Variants in STAG1 observed in about 807,000 individuals in gnomAD.
STAG1 encodes STAG1 cohesin complex component.
Under a neutral mutation model 170.9 loss-of-function variants are expected in STAG1, and 26 were observed. The ratio of observed to expected loss-of-function variants is 0.15; its 90% CI spans 0.11 to 0.21. The LOEUF (loss-of-function observed/expected upper bound fraction) is 0.21, where lower values mean the gene tolerates loss of function less well. Among genes scored for constraint, STAG1 ranks in the 10% least tolerant of loss-of-function variants. The pLI, the probability that STAG1 is intolerant of heterozygous loss-of-function variation, is 1.00. For synonymous variants in STAG1, 514 were observed against 497.7 expected (o/e 1.03, Z -0.44); for missense variants, 964 against 1,509.5 (o/e 0.64, Z 5.99).
chr3:136,545,130 C>A lies in STAG1; in HGVS notation c.395-2935G>T, dbSNP rs375735098. Among the ~76,000 whole-genome samples, 28 of 152,148 alleles carry A rather than the reference C, an allele frequency of 1.8e-4. 1 individual carries two copies. The South Asian group carries it at 5.8e-3, about 32-fold the overall frequency. On this transcript the variant is annotated intron_variant, in intron 5 of 33. Coordinates refer to ENST00000383202, the MANE Select transcript of STAG1 (RefSeq NM_005862.3). ...ATGGCGCGATCTCAGCTCACTGCAA[C>A]CTCCGCCTCCCGGGTTCAAGTGATT...
intron 5 of STAG1, among the ~76,000 whole-genome samples, chr3:136,550,873 T>C (rs2107737543): frequency 6.6e-6 from 1 of 152,344 alleles, no homozygotes; most frequent in South Asian, 2.1e-4. Flanking sequence ...GATGCTTTTC[T>C]CACGGTTAGA....
chr3:136,749,694 C>T (rs1382776995), intron 1 of STAG1, among the ~76,000 whole-genome samples: 2 of 148,122 alleles, frequency 1.4e-5, no homozygotes, highest in African/African-American at 5.0e-5. Flanking sequence ...TGCAGTGAGC[C>T]GAGATCACAC....
In STAG1 at chr3:136,538,853, T is replaced by C. The variant is rs560574604; in HGVS notation, c.471+3266A>G. ...GATTATAGTTTAAAAAATGTTTTAG[T>C]GGCTGGGAGCGGTGCTCACGCCTGT... On this transcript the variant is annotated intron_variant, in intron 6 of 33. Coordinates refer to ENST00000383202, the MANE Select transcript of STAG1 (RefSeq NM_005862.3). Among the ~76,000 whole-genome samples the C allele has an allele frequency of 7.2e-5, 11 of 151,858 alleles. No individual in the cohort carries two copies. The South Asian group carries it at 2.3e-3, about 32-fold the overall frequency.
At chr3:136,493,578 C>T (rs2090160279) in intron 9 of STAG1, among the ~76,000 whole-genome samples, 1 of 150,890 alleles carries the variant, frequency 6.6e-6, no homozygotes, top group Admixed American at 6.6e-5. Context: ...CTGCTTGAGC[C>T]CGTGAAGTCA....
At chr3:136,705,813 G>C (rs1185174527) in intron 1 of STAG1, among the ~76,000 whole-genome samples, 2 of 152,096 alleles carry the variant, frequency 1.3e-5, no homozygotes, top group African/African-American at 4.8e-5. Flanking sequence ...TTAGCAGTGT[G>C]AGAATGAACT....
intron 9 of STAG1, among the ~76,000 whole-genome samples, chr3:136,494,547 C>G (rs1268175281): frequency 2.0e-5 from 3 of 152,092 alleles, no homozygotes; most frequent in African/African-American, 7.2e-5. Context: ...TACTAGCAAA[C>G]TGAATCCAGT....
At chr3:136,665,393 A>G (rs1941723489) in intron 1 of STAG1, among the ~76,000 whole-genome samples, 1 of 152,130 alleles carries the variant, frequency 6.6e-6, no homozygotes, top group Admixed American at 6.5e-5. Context: ...TCTTCTATAT[A>G]CTGTACTACA....
chr3:136,583,036 G>A (rs2107781497), intron 4 of STAG1, among the ~76,000 whole-genome samples: 1 of 152,220 alleles, frequency 6.6e-6, no homozygotes, highest in East Asian at 1.9e-4. Flanking sequence ...CTCTATAGCT[G>A]CATTATTTCT....
intron 8 of STAG1, among the ~76,000 whole-genome samples, chr3:136,502,171 T>A (rs2107866279): frequency 6.6e-6 from 1 of 151,622 alleles, no homozygotes; most frequent in East Asian, 1.9e-4. Context: ...AGAGCGAAAC[T>A]CCATCCCCCA....
chr3:136,722,818 A>G (rs1933373281), intron 1 of STAG1, among the ~76,000 whole-genome samples: 1 of 152,006 alleles, frequency 6.6e-6, no homozygotes, highest in South Asian at 2.1e-4. Context: ...CAGCCTGCCG[A>G]GTGCCTGCGA....
chr3:136,384,461 GAAA>G (rs1261653731), intron 22 of STAG1, among the ~76,000 whole-genome samples: 11 of 103,532 alleles, frequency 1.1e-4, no homozygotes, highest in African/African-American at 3.5e-4. Context: ...AAAAGAAGAA[GAAA>G]AAAAAAAAAA....
chr3:136,449,031 CAA>C (rs1228511482), intron 14 of STAG1, among the ~76,000 whole-genome samples: 10 of 151,972 alleles, frequency 6.6e-5, no homozygotes, highest in African/African-American at 2.2e-4. Context: ...GACAGTAAAA[CAA>C]AGAGAAATTC....
chr3:136,737,315 G>A (rs1934397846), intron 1 of STAG1: 1 of 400,222 alleles, frequency 2.5e-6, no homozygotes, highest in Non-Finnish European at 4.8e-6. Flanking sequence ...TGTTGGCCAG[G>A]CTGGTCTCCA....
At chr3:136,340,746 T>C in intron 31 of STAG1, 141 bp from the exon 32 acceptor site, 1 of 594,444 alleles carries the variant, frequency 1.7e-6, no homozygotes, top group Non-Finnish European at 3.1e-6. Flanking sequence ...TTAGACTGAA[T>C]TCCAAGACAA....
chr3:136,678,882 G>GAAAAAA (rs543331662), intron 1 of STAG1, among the ~76,000 whole-genome samples: 1 of 100,962 alleles, frequency 9.9e-6, no homozygotes, highest in Non-Finnish European at 2.1e-5. Context: ...AGAAGAAAAA[G>GAAAAAA]AAAAAAAAAA....
intron 21 of STAG1, among the ~76,000 whole-genome samples, chr3:136,411,631 AG>A (rs2087626271): frequency 6.6e-6 from 1 of 152,164 alleles, no homozygotes; most frequent in South Asian, 2.1e-4. Flanking sequence ...TTCGTGTGTC[AG>A]AAAGGATGGA....
intron 4 of STAG1, among the ~76,000 whole-genome samples, chr3:136,603,663 T>C (rs1467958692): frequency 6.6e-6 from 1 of 152,080 alleles, no homozygotes; most frequent in Non-Finnish European, 1.5e-5. Flanking sequence ...GGCAGGTGGA[T>C]CACGAGGTCA....
chr3:136,397,722 C>A (rs7625516), intron 22 of STAG1, among the ~76,000 whole-genome samples: 1,758 of 152,074 alleles, frequency 0.012, 25 homozygotes, highest in African/African-American at 0.041. Flanking sequence ...CTGGATGGAC[C>A]TTGAGAAACA....
Position 136,337,205 on chromosome 3 carries a change from C to G in STAG1, c.*1049G>C, listed in dbSNP as rs1020616680. The G allele has an allele frequency of 1.3e-5, 2 of 152,588 alleles. No individual in the cohort carries two copies. Among genetic ancestry groups the G allele is most frequent in the African/African-American group, 4.8e-5 (2 of 41,452 alleles). 9.5% of individuals were successfully genotyped at this position (152,588 alleles called of 1,614,324 possible). On this transcript the variant is annotated 3_prime_UTR_variant, in exon 34 of 34. Transcript: ENST00000383202. ...TTCTATAATCAGTAAACTTAATTCA[C>G]AAAATTAGCGCATAAGGGTATTAAG...
Sources: allele counts gnomAD v4.1 joint callset (sites outside exome capture counted in the v4.1 genomes callset), GRCh38; gene constraint gnomAD v4.1.1; transcripts MANE v1.5; gene names NCBI Gene and HGNC (gene_info 2026-07-23, HGNC 2026-07-21).